Variants in RIPOR2 observed in about 807,000 individuals in gnomAD.
RIPOR2 encodes the protein rho family-interacting cell polarization regulator 2.
A neutral mutation model predicts 114.5 loss-of-function variants in RIPOR2; 39 were observed. That is an observed-to-expected ratio of 0.34 (90% CI 0.26 to 0.44). RIPOR2 has a LOEUF of 0.44. Ranked by LOEUF, RIPOR2 falls within the 20% of genes least tolerant of loss-of-function variation. RIPOR2 has a pLI of 1.00. For missense variants in RIPOR2, 1,007 were observed against 1,255.1 expected (o/e 0.80, Z 2.99); for synonymous variants, 445 against 484.4 (o/e 0.92, Z 1.07).
chr6:24,820,525 G>C lies in RIPOR2; in HGVS notation c.2869-1900C>G, dbSNP rs760751329. ...TGTACCCATTAGTAGTCATTCCCAA[G>C]ACCCTTTCTCTCCAGTCGCTGGCAA... On this transcript the variant is annotated intron_variant, in intron 19 of 21. Transcript: ENST00000643898. 3.3e-5 allele frequency among the ~76,000 whole-genome samples: 5 copies of C among 152,088 alleles called. No individual in the cohort carries two copies. In the South Asian group the frequency reaches 6.2e-4, roughly 19 times the overall value.
At chr6:24,809,909 T>A (rs966397490) in intron 20 of RIPOR2, 102 bp from the exon 21 acceptor site, 2 of 770,610 alleles carry the variant, frequency 2.6e-6, no homozygotes, top group Non-Finnish European at 4.4e-6. Context: ...CTCACTTTGT[T>A]GCCCAGGCTG....
At chr6:25,016,433 C>T (rs1776005856) in intron 1 of RIPOR2, among the ~76,000 whole-genome samples, 1 of 152,154 alleles carries the variant, frequency 6.6e-6, no homozygotes, top group South Asian at 2.1e-4. Flanking sequence ...CACAGGAACT[C>T]TATTCATGAG....
intron 1 of RIPOR2, among the ~76,000 whole-genome samples, chr6:25,010,170 G>C (rs1255964753): frequency 6.6e-6 from 1 of 152,156 alleles, no homozygotes; most frequent in Non-Finnish European, 1.5e-5. Context: ...TCCCAATGTT[G>C]GAGGTGGGGC....
intron 1 of RIPOR2, among the ~76,000 whole-genome samples, chr6:24,960,519 G>T (rs922352795): frequency 1.3e-5 from 2 of 151,996 alleles, no homozygotes; most frequent in Non-Finnish European, 2.9e-5. Flanking sequence ...CATAAGTTTT[G>T]AATTTTTTGT....
At chr6:24,917,476 T>C (rs1483395555) in intron 1 of RIPOR2, among the ~76,000 whole-genome samples, 1 of 152,252 alleles carries the variant, frequency 6.6e-6, no homozygotes, top group Non-Finnish European at 1.5e-5. Flanking sequence ...TTGGAAAGTA[T>C]CAATATCTAC....
At chr6:24,976,366 C>A in intron 1 of RIPOR2, 3 of 1,132,614 alleles carry the variant, frequency 2.6e-6, no homozygotes, top group Non-Finnish European at 3.9e-6. Context: ...TATTAAGAAA[C>A]GAGAAAAGGC....
chr6:24,836,180 A>G (rs554700819), intron 14 of RIPOR2: 2 of 331,428 alleles, frequency 6.0e-6, no homozygotes, highest in South Asian at 7.1e-5. Flanking sequence ...AATGTGTTGC[A>G]CTTTCCTGCT....
upstream of RIPOR2, among the ~76,000 whole-genome samples, chr6:24,940,305 A>C (rs1772056164): frequency 6.6e-6 from 1 of 152,252 alleles, no homozygotes; most frequent in South Asian, 2.1e-4. Context: ...TTATTCCAAC[A>C]GAAGAGCCTC....
intron 10 of RIPOR2, 31 bp downstream of exon 10, chr6:24,850,566 G>C: frequency 6.2e-7 from 1 of 1,613,260 alleles, no homozygotes; most frequent in Non-Finnish European, 8.5e-7. Flanking sequence ...CGTGGCACCA[G>C]GAAAGACAAC....
chr6:24,967,126 A>T (rs1773562582), intron 1 of RIPOR2, among the ~76,000 whole-genome samples: 1 of 152,238 alleles, frequency 6.6e-6, no homozygotes, highest in Non-Finnish European at 1.5e-5. Context: ...CTAGTGAGTC[A>T]ATCTTTGAAG....
rs1035702221 is a variant in RIPOR2, at chr6:24,858,690, T to C, written c.715+2283A>G. On this transcript the variant is annotated intron_variant, in intron 8 of 21. Transcript: ENST00000643898. The surrounding 1 kb of genome is among the most constrained non-coding windows in gnomAD (Gnocchi z 4.0). Reference sequence around the variant, plus strand: ...TTAGTCTCAGGCCTGAGAAACCCCATGGAAGAAACCAAGCGTTCAGGTGGA... The same window carrying C: ...TTAGTCTCAGGCCTGAGAAACCCCACGGAAGAAACCAAGCGTTCAGGTGGA... Among the ~76,000 whole-genome samples the C allele has an allele frequency of 1.3e-5, 2 of 152,058 alleles. No individual in the cohort carries two copies. The highest frequency in any genetic ancestry group is 4.8e-5 in the African/African-American group (2 of 41,410).
At chr6:24,971,467 C>T (rs1024265732) in intron 1 of RIPOR2, among the ~76,000 whole-genome samples, 1 of 152,250 alleles carries the variant, frequency 6.6e-6, no homozygotes, top group African/African-American at 2.4e-5. Context: ...CCTGTTATGG[C>T]TCTTTTCTAT....
Position 25,037,249 on chromosome 6 carries a change from C to G in RIPOR2, c.76+4602G>C, listed in dbSNP as rs1179152587. On this transcript the variant is annotated intron_variant, in intron 1 of 13. Coordinates refer to the RIPOR2 transcript ENST00000510784. This position sits in a 1 kb window ranked among gnomAD's most constrained non-coding sequence, Gnocchi z 4.5. The stretch of plus-strand genomic sequence containing the variant: ...GAAGTTGTAGAAGCAGGATTTGAAG[C>G]CAAATCTCCTGGTTGTCAAAGCTTA... Among the ~76,000 whole-genome samples the G allele has an allele frequency of 3.3e-5, 5 of 152,274 alleles. No individual in the cohort carries two copies. Among genetic ancestry groups the G allele is most frequent in the Non-Finnish European group, 7.3e-5 (5 of 68,036 alleles).
Position 25,007,718 on chromosome 6 carries a change from T to C in RIPOR2, c.76+34133A>G, listed in dbSNP as rs574054029. The stretch of plus-strand genomic sequence containing the variant: ...TTCTCGGTGATCTTAGGCACCCCCA[T>C]GGCTTCAACTGTATCATCTCTGTCA... On this transcript the variant is annotated intron_variant, in intron 1 of 13. Transcript: ENST00000510784. Among the ~76,000 whole-genome samples the C allele has an allele frequency of 2.0e-5, 3 of 152,120 alleles. No homozygotes were observed. The South Asian group carries it at 6.3e-4, about 32-fold the overall frequency.
intron 1 of RIPOR2, among the ~76,000 whole-genome samples, chr6:24,984,083 A>C (rs909616728): frequency 9.2e-5 from 14 of 152,198 alleles, no homozygotes; most frequent in African/African-American, 3.4e-4. Flanking sequence ...ATAGAACTTG[A>C]CACCTCGGAG....
At chr6:24,930,683 G>C (rs2778499) in intron 1 of RIPOR2, among the ~76,000 whole-genome samples, 3,491 of 152,326 alleles carry the variant, frequency 0.023, 130 homozygotes, top group African/African-American at 0.079. Flanking sequence ...GTCTGCTCCA[G>C]ACCCTGGGAC....
chr6:24,936,227 A>G (rs1771799937), upstream of RIPOR2, among the ~76,000 whole-genome samples: 1 of 152,236 alleles, frequency 6.6e-6, no homozygotes. Context: ...ATATTTCCTT[A>G]AAGAGGAAGG....
intron 1 of RIPOR2, among the ~76,000 whole-genome samples, chr6:24,881,562 G>A (rs1766355621): frequency 6.6e-6 from 1 of 152,218 alleles, no homozygotes; most frequent in Non-Finnish European, 1.5e-5. Context: ...AACCCTGAAA[G>A]CCACAGCTGT....
intron 1 of RIPOR2, among the ~76,000 whole-genome samples, chr6:24,915,951 C>G (rs1334321968): frequency 1.3e-5 from 2 of 152,198 alleles, no homozygotes; most frequent in Non-Finnish European, 2.9e-5. Flanking sequence ...CTCTTCTCAC[C>G]CTGCATCCAG....
Sources: gnomAD v4.1 joint callset for allele counts (sites outside exome capture counted in the v4.1 genomes callset) on GRCh38, gnomAD v4.1.1 for gene constraint, Gnocchi (gnomAD v3.1) non-coding constraint, MANE v1.5 for transcripts, NCBI Gene and HGNC (gene_info 2026-07-23, HGNC 2026-07-21) for gene names.